The following G3BP2 variants were observed in gnomAD, a reference collection of about 807,000 sequenced individuals.
The protein encoded by G3BP2 is ras GTPase-activating protein-binding protein 2.
In G3BP2, 11 loss-of-function variants were observed where a neutral mutation model predicts 56.7. The observed-to-expected ratio is 0.19, with a 90% confidence interval of 0.12 to 0.32. The LOEUF (loss-of-function observed/expected upper bound fraction) is 0.32. Ranked by LOEUF, G3BP2 falls within the 10% of genes least tolerant of loss-of-function variation. G3BP2 has a pLI of 1.00. For synonymous variants in G3BP2, 165 were observed against 191.6 expected, an observed-to-expected ratio of 0.86 and a Z score of 1.15; for missense variants, 340 against 610.9, an observed-to-expected ratio of 0.56 and a Z score of 4.67.
intron 3 of G3BP2, among the ~76,000 whole-genome samples, chr4:75,698,727 A>G (rs1277313378): frequency 6.6e-6 from 1 of 152,130 alleles, no homozygotes; most frequent in Non-Finnish European, 1.5e-5. Flanking sequence ...CATCTGATAC[A>G]GGGTTTCACT....
chr4:75,687,802 A>G (rs1718674529), intron 3 of G3BP2, among the ~76,000 whole-genome samples: 1 of 152,094 alleles, frequency 6.6e-6, no homozygotes, highest in Non-Finnish European at 1.5e-5. Flanking sequence ...CAACTTGGAG[A>G]TACACTCCTT....
intron 3 of G3BP2, among the ~76,000 whole-genome samples, chr4:75,658,032 T>C (rs1024170059): frequency 6.6e-6 from 1 of 152,252 alleles, no homozygotes; most frequent in Non-Finnish European, 1.5e-5. Context: ...CACATAATTT[T>C]ACTGTGTGTT....
intron 3 of G3BP2, among the ~76,000 whole-genome samples, chr4:75,704,007 G>T (rs1719444518): frequency 7.5e-6 from 1 of 133,828 alleles, no homozygotes; most frequent in Non-Finnish European, 1.5e-5. Context: ...TAATGTCTAT[G>T]AAAGGTTTTT....
chr4:75,645,744 A>G (rs763880200), intron 11 of G3BP2, 42 bp from the exon 12 acceptor site: 2 of 1,563,210 alleles, frequency 1.3e-6, no homozygotes, highest in Admixed American at 1.7e-5. Context: ...GGCAGGTTAG[A>G]CAGCAATAGA....
chr4:75,666,235 C>CAGTAGAAG (rs1293170133), intron 1 of G3BP2, among the ~76,000 whole-genome samples: 1 of 152,104 alleles, frequency 6.6e-6, no homozygotes, highest in African/African-American at 2.4e-5. Context: ...CAGGGAAGGG[C>CAGTAGAAG]AGTAGAAGTA....
chr4:75,657,629 C>A lies in G3BP2; in HGVS notation c.279G>T (p.Gln93His). ...HATLSDGVVVQVMGLLSNSGQ... is the reference protein window; with the variant it reads ...HATLSDGVVVHVMGLLSNSGQ... Reference sequence around the variant, plus strand: ...CACTGTTAGACAGCAAACCCATGACCTGGACAACTACTCCATCACTCAAGG... The same window carrying A: ...CACTGTTAGACAGCAAACCCATGACATGGACAACTACTCCATCACTCAAGG... Residue 93 changes from glutamine (Q) to histidine (H), a missense_variant, in exon 4 of 12, where the codon CAG (glutamine) becomes CAT (histidine). Physicochemically the swap from Gln to His is conservative, Grantham distance 24. Transcript: ENST00000359707. The A allele has an allele frequency of 6.2e-7, 1 of 1,613,420 alleles. No individual in the cohort carries two copies. Among genetic ancestry groups the A allele is most frequent in the Non-Finnish European group, 8.5e-7 (1 of 1,179,382 alleles).
At chr4:75,653,589 T>TTA (rs1560613842) in intron 8 of G3BP2, among the ~76,000 whole-genome samples, 2 of 121,522 alleles carry the variant, frequency 1.6e-5, no homozygotes, top group Admixed American at 8.6e-5. Context: ...TTTTTTGCTT[T>TTA]AAAAAAAAAA....
intron 3 of G3BP2, among the ~76,000 whole-genome samples, chr4:75,711,005 A>G (rs1719734260): frequency 6.6e-6 from 1 of 151,974 alleles, no homozygotes; most frequent in African/African-American, 2.4e-5. Context: ...CACCATTCCT[A>G]TTCAACCTGT....
chr4:75,668,793 T>A (rs1478532876), intron 1 of G3BP2, among the ~76,000 whole-genome samples: 2 of 152,182 alleles, frequency 1.3e-5, no homozygotes, highest in Non-Finnish European at 2.9e-5. Flanking sequence ...CCTGTCCCCT[T>A]GAAAATCTTT....
At chr4:75,695,830 C>T (rs754204446) in intron 3 of G3BP2, among the ~76,000 whole-genome samples, 2 of 151,974 alleles carry the variant, frequency 1.3e-5, no homozygotes, top group Non-Finnish European at 2.9e-5. Context: ...AAAAGTTAGC[C>T]AGGCGTGGTG....
chr4:75,718,765 A>C (rs1394347443), intron 3 of G3BP2, among the ~76,000 whole-genome samples: 1 of 152,190 alleles, frequency 6.6e-6, no homozygotes, highest in Non-Finnish European at 1.5e-5. Flanking sequence ...ATGAGTCACA[A>C]GGAGACTTTT....
chr4:75,683,333 G>A (rs1021132733), intron 3 of G3BP2, among the ~76,000 whole-genome samples: 1 of 152,106 alleles, frequency 6.6e-6, no homozygotes, highest in African/African-American at 2.4e-5. Context: ...AGGCCAAGGC[G>A]GGCAGATCAC....
chr4:75,659,303 A>G (rs1263426373), intron 2 of G3BP2, among the ~76,000 whole-genome samples: 1 of 152,220 alleles, frequency 6.6e-6, no homozygotes, highest in Admixed American at 6.5e-5. Flanking sequence ...CTTCAGATAC[A>G]AAGACTCAGC....
chr4:75,713,092 T>TA (rs1223241959), intron 3 of G3BP2, among the ~76,000 whole-genome samples: 4 of 152,200 alleles, frequency 2.6e-5, no homozygotes, highest in Non-Finnish European at 5.9e-5. Context: ...ATTTAATCCT[T>TA]ACACCAATGC....
At position 75,656,776 on chromosome 4, in the gene G3BP2, C is replaced by A. The variant is rs779475141; in HGVS notation, c.442+148G>T. The A allele has an allele frequency of 6.7e-6, 4 of 600,572 alleles. No individual in the cohort carries two copies. In the South Asian group the frequency reaches 7.8e-5, roughly 12 times the overall value. The allele number at this position is 600,572 out of a possible 1,614,324, so 37.2% of individuals were successfully genotyped here. A position where few individuals can be genotyped will look rare whatever the true frequency, so the allele number is the denominator to read the frequency against. ...AACAATGGACATCTTTTTGTAACAA[C>A]GACAACAACAACAAAACCATGAAAA... On this transcript the variant is annotated intron_variant, in intron 5 of 11. Coordinates refer to ENST00000359707, the MANE Select transcript of G3BP2 (RefSeq NM_203505.3).
chr4:75,685,420 G>C (rs1718551001), intron 3 of G3BP2, among the ~76,000 whole-genome samples: 1 of 149,136 alleles, frequency 6.7e-6, no homozygotes, highest in African/African-American at 2.5e-5. Flanking sequence ...AGAATCACTT[G>C]AACCTGGGAG....
At chr4:75,665,029 G>C (rs1470306071) in intron 1 of G3BP2, among the ~76,000 whole-genome samples, 1 of 152,098 alleles carries the variant, frequency 6.6e-6, no homozygotes, top group African/African-American at 2.4e-5. Flanking sequence ...TTCCATGTGT[G>C]TTTACTTTAA....
intron 1 of G3BP2, among the ~76,000 whole-genome samples, chr4:75,672,232 T>A (rs1303874605): frequency 6.6e-6 from 1 of 152,140 alleles, no homozygotes; most frequent in East Asian, 1.9e-4. Context: ...ACATTAAGTA[T>A]GTCTTGGGGA....
At chr4:75,710,191 G>C (rs561311465) in intron 3 of G3BP2, among the ~76,000 whole-genome samples, 1 of 152,194 alleles carries the variant, frequency 6.6e-6, no homozygotes, top group Admixed American at 6.5e-5. Flanking sequence ...TTGAATTCCT[G>C]GGCTCAAGCA....
Sources: allele counts gnomAD v4.1 joint callset (sites outside exome capture counted in the v4.1 genomes callset), GRCh38; gene constraint gnomAD v4.1.1; transcripts MANE v1.5; gene names NCBI Gene and HGNC (gene_info 2026-07-23, HGNC 2026-07-21).